DOK6: variants seen among roughly 807,000 people sequenced by gnomAD.
DOK6 encodes the protein downstream of tyrosine kinase 6.
DOK6 carries 22 observed loss-of-function variants against 44.0 expected under a neutral mutation model. The ratio of observed to expected loss-of-function variants is 0.50; its 90% CI spans 0.36 to 0.71. The LOEUF is 0.71. Ranked by LOEUF, DOK6 falls within the 30% of genes least tolerant of loss-of-function variation. The pLI, the probability that DOK6 is intolerant of heterozygous loss-of-function variation, is 0.00. For synonymous variants in DOK6, 166 were observed against 145.5 expected (o/e 1.14, Z -1.01); for missense variants, 340 against 416.4 (o/e 0.82, Z 1.60).
At position 69,834,353 on chromosome 18, in the gene DOK6, C is replaced by T. The variant is rs536362069; in HGVS notation, c.857-6891C>T. 1.7e-4 allele frequency among the ~76,000 whole-genome samples: 25 copies of T among 151,194 alleles called. No homozygotes were observed. The South Asian group carries it at 2.1e-3, about 13-fold the overall frequency. On this transcript the variant is annotated intron_variant, in intron 7 of 7. Transcript: ENST00000382713. ...GATCTCCTGGAGATAGAGAGTAGAA[C>T]GGTGGTTTCCAGAGGCTTGGAAGGG...
chr18:69,800,252 A>C (rs1980864761), intron 7 of DOK6, among the ~76,000 whole-genome samples: 1 of 152,092 alleles, frequency 6.6e-6, no homozygotes, highest in Non-Finnish European at 1.5e-5. Context: ...ATGGCTTCTC[A>C]TTAAGTGGGA....
In DOK6 at chr18:69,848,319, A is replaced by T. The variant is rs2145147773; in HGVS notation, c.*6936A>T. The T allele has an allele frequency of 6.6e-6, 1 of 152,320 alleles. No individual in the cohort carries two copies. Among genetic ancestry groups the T allele is most frequent in the African/African-American group, 2.4e-5 (1 of 41,560 alleles). The allele number at this position is 152,320 out of a possible 1,614,324, so 9.4% of individuals were successfully genotyped here. A position where few individuals can be genotyped will look rare whatever the true frequency, so the allele number is the denominator to read the frequency against. On this transcript the variant is annotated 3_prime_UTR_variant, in exon 8 of 8. Coordinates refer to ENST00000382713, the MANE Select transcript of DOK6 (RefSeq NM_152721.6). ...TATAATGTTTATGATCATTTTGATA[A>T]GAAATAACTTTGGACATTAGGCCCT...
chr18:69,719,722 C>T (rs1986963814), intron 5 of DOK6, among the ~76,000 whole-genome samples: 1 of 152,094 alleles, frequency 6.6e-6, no homozygotes, highest in Admixed American at 6.5e-5. Context: ...AAATTGCTCC[C>T]ATAGTTATTT....
intron 3 of DOK6, among the ~76,000 whole-genome samples, chr18:69,624,479 A>G (rs956689489): frequency 6.6e-6 from 1 of 152,110 alleles, no homozygotes; most frequent in African/African-American, 2.4e-5. Context: ...AAAGGAAAAA[A>G]TAATTGTAGT....
intron 1 of DOK6, chr18:69,469,876 C>A: frequency 4.3e-6 from 1 of 234,750 alleles, no homozygotes; most frequent in South Asian, 4.1e-5. Flanking sequence ...CGACCCTTCC[C>A]CAGGAAGTGA....
chr18:69,824,118 A>C (rs567217891), intron 7 of DOK6, among the ~76,000 whole-genome samples: 1 of 151,800 alleles, frequency 6.6e-6, no homozygotes, highest in South Asian at 2.1e-4. Context: ...ATATGTATAC[A>C]TGTGCCATGT....
At chr18:69,694,263 T>C (rs1462242751) in intron 4 of DOK6, among the ~76,000 whole-genome samples, 2 of 151,536 alleles carry the variant, frequency 1.3e-5, no homozygotes, top group Admixed American at 6.6e-5. Context: ...AGCCTTGTTT[T>C]GTAGCCCTGT....
chr18:69,402,227 G>A (rs1420925065), intron 1 of DOK6, among the ~76,000 whole-genome samples: 1 of 152,092 alleles, frequency 6.6e-6, no homozygotes. Flanking sequence ...GGGGAAACTC[G>A]TCTGGGAAAG....
chr18:69,619,218 AC>A (rs1370128995), intron 3 of DOK6, among the ~76,000 whole-genome samples: 1 of 152,210 alleles, frequency 6.6e-6, no homozygotes, highest in Non-Finnish European at 1.5e-5. Context: ...CACGGCTGTG[AC>A]TGTGGACCAG....
intron 1 of DOK6, among the ~76,000 whole-genome samples, chr18:69,494,489 A>C (rs1269976274): frequency 1.3e-5 from 2 of 151,748 alleles, no homozygotes; most frequent in South Asian, 2.1e-4. Flanking sequence ...AAACAAACAA[A>C]CAAAAAAAAA....
intron 7 of DOK6, among the ~76,000 whole-genome samples, chr18:69,765,351 C>A (rs988236603): frequency 6.6e-6 from 1 of 152,122 alleles, no homozygotes; most frequent in Non-Finnish European, 1.5e-5. Context: ...TCTATTAAAC[C>A]TTATTTATAA....
At chr18:69,648,588 C>T (rs1295168479) in intron 3 of DOK6, among the ~76,000 whole-genome samples, 1 of 152,038 alleles carries the variant, frequency 6.6e-6, no homozygotes, top group Non-Finnish European at 1.5e-5. Flanking sequence ...AGCATAAGGA[C>T]TAGGAAATAG....
At chr18:69,492,033 G>T (rs997931126) in intron 1 of DOK6, among the ~76,000 whole-genome samples, 1 of 152,092 alleles carries the variant, frequency 6.6e-6, no homozygotes, top group African/African-American at 2.4e-5. Flanking sequence ...TCCCAAATCT[G>T]TCTCTTTGCA....
intron 1 of DOK6, among the ~76,000 whole-genome samples, chr18:69,468,834 A>T (rs1980003180): frequency 1.3e-5 from 2 of 152,208 alleles, no homozygotes; most frequent in African/African-American, 4.8e-5. Context: ...TTAGAATATA[A>T]AGACACGAAC....
intron 4 of DOK6, among the ~76,000 whole-genome samples, chr18:69,693,545 G>A (rs939772597): frequency 2.0e-5 from 3 of 151,898 alleles, no homozygotes; most frequent in Non-Finnish European, 4.4e-5. Context: ...TTTCCTGTAC[G>A]GTTCTCCATT....
At chr18:69,616,638 G>C (rs1205496746) in intron 3 of DOK6, among the ~76,000 whole-genome samples, 1 of 152,116 alleles carries the variant, frequency 6.6e-6, no homozygotes, top group Non-Finnish European at 1.5e-5. Flanking sequence ...GCTGGAAAAT[G>C]GTTGTTGAAG....
At position 69,541,150 on chromosome 18, in the gene DOK6, G is replaced by A. The variant is rs1982258452; in HGVS notation, c.67-23337G>A. Among the ~76,000 whole-genome samples the A allele has an allele frequency of 2.1e-5, 3 of 143,372 alleles. No homozygotes were observed. In the South Asian group the frequency reaches 6.7e-4, roughly 32 times the overall value. 94.1% of individuals were successfully genotyped at this position (143,372 alleles called of 152,430 possible). A position where few individuals can be genotyped will look rare whatever the true frequency, so the allele number is the denominator to read the frequency against. On this transcript the variant is annotated intron_variant, in intron 1 of 7. Transcript: ENST00000382713. ...CTGTTTGCTCCTTGAAGGCAACTAT[G>A]AGTTTTATTTTACCCAAATATAACT...
chr18:69,734,418 G>GAAAAAAAAAA (rs60810634), intron 5 of DOK6, among the ~76,000 whole-genome samples: 1 of 87,468 alleles, frequency 1.1e-5, no homozygotes, highest in African/African-American at 3.4e-5. Flanking sequence ...AAAAAAAAAG[G>GAAAAAAAAAA]AAAATTCTAG....
intron 1 of DOK6, among the ~76,000 whole-genome samples, chr18:69,409,109 C>A (rs574405156): frequency 1.2e-3 from 183 of 152,184 alleles, no homozygotes; most frequent in South Asian, 3.5e-3. Context: ...AGTGAGTTCT[C>A]ACAAAATCTG....
Sources: allele counts gnomAD v4.1 joint callset (sites outside exome capture counted in the v4.1 genomes callset), GRCh38; gene constraint gnomAD v4.1.1; transcripts MANE v1.5; gene names NCBI Gene and HGNC (gene_info 2026-07-23, HGNC 2026-07-21).